The following SERGEF variants were observed in gnomAD, a reference collection of about 807,000 sequenced individuals.
The protein encoded by SERGEF is secretion regulating guanine nucleotide exchange factor.
Under a neutral mutation model 50.0 loss-of-function variants are expected in SERGEF, and 51 were observed. The observed-to-expected ratio is 1.02, with a 90% CI of 0.81 to 1.29. The LOEUF is 1.29. Among genes scored for constraint, SERGEF ranks in the 50% most tolerant of loss-of-function variants. SERGEF has a pLI of 0.00. For synonymous variants in SERGEF, 205 were observed against 212.4 expected (o/e 0.97, Z 0.30); for missense variants, 521 against 557.0 (o/e 0.94, Z 0.65).
Position 17,995,802 on chromosome 11 carries a change from C to A in SERGEF, c.616G>T (p.Val206Leu). 6.2e-7 allele frequency: 1 copy of A among 1,609,666 alleles called. No individual in the cohort carries two copies. ...LFFTAKEPSRVTGLENSKAMC... is the reference protein window; with the variant it reads ...LFFTAKEPSRLTGLENSKAMC... Reference sequence around the variant, plus strand: ...AAAGAAAGAAGCATCTTACCTGTCACTCTGCTTGGTTCCTTTGCTGTGAAA... The same window carrying A: ...AAAGAAAGAAGCATCTTACCTGTCAATCTGCTTGGTTCCTTTGCTGTGAAA... The change falls in exon 6 of 11, where the codon GTG (valine) becomes TTG (leucine). Residue 206 changes from valine to leucine, a missense_variant. Transcript: ENST00000265965.
chr11:17,889,703 A>G (rs1851497371), intron 9 of SERGEF, among the ~76,000 whole-genome samples: 1 of 152,244 alleles, frequency 6.6e-6, no homozygotes, highest in African/African-American at 2.4e-5. Context: ...TATTCTATCA[A>G]CGTTAAATTG....
At chr11:17,868,103 C>A (rs565449292) in intron 10 of SERGEF, among the ~76,000 whole-genome samples, 1 of 152,332 alleles carries the variant, frequency 6.6e-6, no homozygotes, top group Non-Finnish European at 1.5e-5. Context: ...ATGCAAATTT[C>A]TGCAACTGGC....
chr11:17,816,395 C>T (rs1387453157), intron 10 of SERGEF, among the ~76,000 whole-genome samples: 1 of 152,146 alleles, frequency 6.6e-6, no homozygotes, highest in Non-Finnish European at 1.5e-5. Flanking sequence ...AGCAGGGCTG[C>T]CAAGATGAGG....
chr11:17,972,169 C>T (rs1853260891), intron 8 of SERGEF, among the ~76,000 whole-genome samples: 1 of 152,198 alleles, frequency 6.6e-6, no homozygotes, highest in African/African-American at 2.4e-5. Flanking sequence ...TGTTGAAATG[C>T]TAACAAAAGC....
chr11:17,925,499 TA>T (rs1373479803), intron 9 of SERGEF, among the ~76,000 whole-genome samples: 1 of 152,222 alleles, frequency 6.6e-6, no homozygotes, highest in African/African-American at 2.4e-5. Flanking sequence ...CCACTTCTGC[TA>T]AACACAAAAT....
intron 10 of SERGEF, among the ~76,000 whole-genome samples, chr11:17,876,868 C>T (rs886958767): frequency 2.6e-4 from 39 of 152,200 alleles, no homozygotes; most frequent in African/African-American, 8.9e-4. Context: ...ACACCCAGGC[C>T]GAAGCAGTTC....
intron 9 of SERGEF, among the ~76,000 whole-genome samples, chr11:17,941,609 T>G (rs1375835310): frequency 6.6e-6 from 1 of 152,214 alleles, no homozygotes; most frequent in Non-Finnish European, 1.5e-5. Context: ...TGCATATATA[T>G]CTTCACGATT....
chr11:17,950,431 T>C (rs1852753804), intron 9 of SERGEF, among the ~76,000 whole-genome samples: 2 of 152,196 alleles, frequency 1.3e-5, no homozygotes, highest in African/African-American at 2.4e-5. Flanking sequence ...GTGTGTATTA[T>C]GGGAATAAAT....
intron 9 of SERGEF, among the ~76,000 whole-genome samples, chr11:17,950,613 C>T (rs1318174548): frequency 3.3e-5 from 5 of 152,148 alleles, no homozygotes; most frequent in Non-Finnish European, 7.4e-5. Context: ...TAATGAGGGT[C>T]CAAACTAGAA....
At chr11:17,886,614 AAAAAC>A (rs1338237507) in intron 9 of SERGEF, among the ~76,000 whole-genome samples, 2 of 152,294 alleles carry the variant, frequency 1.3e-5, no homozygotes, top group African/African-American at 4.8e-5. Context: ...AAGCGAGACT[AAAAAC>A]AAAACAAAAC....
intron 3 of SERGEF, 29 bp downstream of exon 3, chr11:18,006,562 G>T: frequency 1.9e-6 from 3 of 1,602,318 alleles, no homozygotes; most frequent in South Asian, 1.1e-5. Context: ...CCTTTGTGGT[G>T]ACAAAAATCT....
chr11:17,989,233 T>C (rs973487086), intron 7 of SERGEF, among the ~76,000 whole-genome samples: 21 of 152,364 alleles, frequency 1.4e-4, no homozygotes, highest in Non-Finnish European at 2.6e-4. Context: ...TATAATGCTA[T>C]AGAATCGCAT....
intron 10 of SERGEF, among the ~76,000 whole-genome samples, chr11:17,789,450 C>T (rs1456679295): frequency 6.6e-6 from 1 of 152,182 alleles, no homozygotes; most frequent in Non-Finnish European, 1.5e-5. Context: ...TTCATACAGC[C>T]AGAAAGTGGC....
rs1851476426 is a variant in SERGEF, at chr11:17,888,652, CA to C, written c.1012-10409del. 6.6e-6 allele frequency among the ~76,000 whole-genome samples: 1 copy of C among 151,116 alleles called. No homozygotes were observed. The highest frequency in any genetic ancestry group is 1.5e-5 in the Non-Finnish European group (1 of 67,678). On this transcript the variant is annotated intron_variant, in intron 9 of 10. Coordinates refer to ENST00000265965, the MANE Select transcript of SERGEF (RefSeq NM_012139.4). This position sits in a 1 kb window ranked among gnomAD's most constrained non-coding sequence, Gnocchi z 4.1. ...TTACACACACACACACACACACACA[CA>C]CACACACACACACACACACACACAC...
chr11:17,844,927 A>AC (rs1850578591), intron 10 of SERGEF, among the ~76,000 whole-genome samples: 1 of 134,862 alleles, frequency 7.4e-6, no homozygotes, highest in Non-Finnish European at 1.7e-5. Context: ...ACAAACAAAC[A>AC]AAAAAAACAG....
intron 9 of SERGEF, among the ~76,000 whole-genome samples, chr11:17,880,884 G>A (rs1026135181): frequency 6.6e-6 from 1 of 152,152 alleles, no homozygotes; most frequent in African/African-American, 2.4e-5. Context: ...TAACTGTGGT[G>A]GCAGTAGTAG....
intron 9 of SERGEF, among the ~76,000 whole-genome samples, chr11:17,910,728 A>G (rs1486135058): frequency 6.6e-6 from 1 of 152,232 alleles, no homozygotes; most frequent in Non-Finnish European, 1.5e-5. Context: ...ATCAGAAATT[A>G]CATGTGCCCT....
At chr11:17,802,917 G>T (rs549226979) in intron 10 of SERGEF, among the ~76,000 whole-genome samples, 1 of 152,330 alleles carries the variant, frequency 6.6e-6, no homozygotes, top group South Asian at 2.1e-4. Flanking sequence ...AGAATGAAAA[G>T]CTCTATGAGA....
intron 9 of SERGEF, among the ~76,000 whole-genome samples, chr11:17,937,554 TAAATA>T (rs1291165638): frequency 6.6e-6 from 1 of 151,910 alleles, no homozygotes; most frequent in African/African-American, 2.4e-5. Flanking sequence ...ATAATAATAA[TAAATA>T]AAATAAAATG....
Sources: allele counts gnomAD v4.1 joint callset (sites outside exome capture counted in the v4.1 genomes callset), GRCh38; gene constraint gnomAD v4.1.1; non-coding constraint Gnocchi (gnomAD v3.1); transcripts MANE v1.5; gene names NCBI Gene and HGNC (gene_info 2026-07-23, HGNC 2026-07-21).